NOX4: variants seen among roughly 807,000 people sequenced by gnomAD.
NOX4 encodes the protein NADPH oxidase 4.
NOX4 carries 69 observed loss-of-function variants against 87.6 expected under a neutral mutation model. That is an observed-to-expected ratio of 0.79 (90% CI 0.65 to 0.96). The LOEUF (loss-of-function observed/expected upper bound fraction) is 0.96. NOX4 is among the 40% of genes least tolerant of loss of function. NOX4 has a pLI of 0.00. For synonymous variants in NOX4, 275 were observed against 238.2 expected, an observed-to-expected ratio of 1.15 and a Z score of -1.42; for missense variants, 680 against 681.5, an observed-to-expected ratio of 1.00 and a Z score of 0.02.
chr11:89,430,406 G>T (rs1007077195), intron 7 of NOX4, among the ~76,000 whole-genome samples: 1 of 152,146 alleles, frequency 6.6e-6, no homozygotes, highest in African/African-American at 2.4e-5. Context: ...AAAAAAGGAA[G>T]TCAAATCGTC....
intron 13 of NOX4, among the ~76,000 whole-genome samples, chr11:89,354,433 G>A (rs1209022191): frequency 6.6e-6 from 1 of 152,110 alleles, no homozygotes; most frequent in Non-Finnish European, 1.5e-5. Context: ...AGAAGGAAAG[G>A]TCTGCTTCAC....
chr11:89,482,247 G>T (rs1238202354), intron 2 of NOX4, among the ~76,000 whole-genome samples: 1 of 151,862 alleles, frequency 6.6e-6, no homozygotes, highest in East Asian at 1.9e-4. Flanking sequence ...TGCTCAGCTG[G>T]GCTTCTACAA....
the NOX4 span, among the ~76,000 whole-genome samples, chr11:89,539,194 G>A: frequency 6.6e-6 from 1 of 152,138 alleles, no homozygotes; most frequent in African/African-American, 2.4e-5. Flanking sequence ...AGCACTTTGG[G>A]AGGCCAAGAC....
the NOX4 span, among the ~76,000 whole-genome samples, chr11:89,580,726 T>C: frequency 6.6e-6 from 1 of 152,160 alleles, no homozygotes; most frequent in African/African-American, 2.4e-5. Context: ...CTGGGTTAGG[T>C]ATTGTAAGGC....
At chr11:89,378,589 G>GT (rs1273638736) in intron 11 of NOX4, among the ~76,000 whole-genome samples, 13 of 151,858 alleles carry the variant, frequency 8.6e-5, no homozygotes, top group Non-Finnish European at 1.3e-4. Flanking sequence ...CACATAGAAG[G>GT]TATCAGTTGA....
At chr11:89,360,219 CAG>C (rs1359230584) in intron 12 of NOX4, among the ~76,000 whole-genome samples, 1 of 151,978 alleles carries the variant, frequency 6.6e-6, no homozygotes, top group African/African-American at 2.4e-5. Flanking sequence ...GAAATATTAT[CAG>C]AGAGTATACA....
At chr11:89,329,939 AAAG>A (rs1356259404) in intron 17 of NOX4, among the ~76,000 whole-genome samples, 1 of 152,078 alleles carries the variant, frequency 6.6e-6, no homozygotes, top group Non-Finnish European at 1.5e-5. Context: ...CAACCAAAGG[AAAG>A]AAGGACACCA....
intron 12 of NOX4, among the ~76,000 whole-genome samples, chr11:89,363,663 T>C (rs1251722914): frequency 6.6e-6 from 1 of 152,068 alleles, no homozygotes; most frequent in Admixed American, 6.6e-5. Context: ...CATATTAATC[T>C]TAGAAAAACA....
intron 14 of NOX4, among the ~76,000 whole-genome samples, chr11:89,341,291 T>A (rs1434500361): frequency 6.6e-6 from 1 of 151,850 alleles, no homozygotes. Flanking sequence ...CCTGGTTGAT[T>A]TTTATATTGT....
chr11:89,552,122 A>G, the NOX4 span, among the ~76,000 whole-genome samples: 1 of 152,158 alleles, frequency 6.6e-6, no homozygotes. Flanking sequence ...ATTAAACTGT[A>G]AAGTTAATTT....
chr11:89,500,367 T>G (rs1947004125), upstream of NOX4, among the ~76,000 whole-genome samples: 1 of 152,132 alleles, frequency 6.6e-6, no homozygotes, highest in Non-Finnish European at 1.5e-5. Context: ...TCAATTATTA[T>G]ATGGTGATGC....
At chr11:89,464,164 G>A (rs1396563394) in intron 2 of NOX4, among the ~76,000 whole-genome samples, 2 of 151,982 alleles carry the variant, frequency 1.3e-5, no homozygotes, top group Non-Finnish European at 2.9e-5. Context: ...GTCTGGAAGT[G>A]TTTTATTATT....
the NOX4 span, among the ~76,000 whole-genome samples, chr11:89,559,889 C>T: frequency 3.9e-5 from 6 of 152,188 alleles, no homozygotes; most frequent in East Asian, 1.9e-4. Flanking sequence ...AAGCTTGATA[C>T]GTTAAACCCA....
chr11:89,426,034 T>C (rs1375528813), intron 7 of NOX4, among the ~76,000 whole-genome samples: 4 of 152,222 alleles, frequency 2.6e-5, no homozygotes, highest in Admixed American at 2.6e-4. Context: ...AATGTGTCCA[T>C]TAGAAAGGAC....
At chr11:89,508,805 C>T in the NOX4 span, among the ~76,000 whole-genome samples, 7 of 152,164 alleles carry the variant, frequency 4.6e-5, no homozygotes, top group African/African-American at 1.7e-4. Flanking sequence ...GACTGAAAAA[C>T]TGAGGATCTG....
chr11:89,554,497 A>G, the NOX4 span, among the ~76,000 whole-genome samples: 4 of 152,050 alleles, frequency 2.6e-5, no homozygotes, highest in South Asian at 2.1e-4. Context: ...TTTTATTTTC[A>G]CATAATTCAT....
intron 7 of NOX4, among the ~76,000 whole-genome samples, chr11:89,431,766 A>G (rs1943796691): frequency 6.6e-6 from 1 of 152,254 alleles, no homozygotes; most frequent in Non-Finnish European, 1.5e-5. Flanking sequence ...CTGTAAACTA[A>G]TTCAATCATT....
At chr11:89,416,698 T>C (rs1322097646) in intron 8 of NOX4, among the ~76,000 whole-genome samples, 2 of 152,174 alleles carry the variant, frequency 1.3e-5, no homozygotes, top group African/African-American at 4.8e-5. Flanking sequence ...TTAATGTCAC[T>C]GTTGACAAAG....
At chr11:89,386,514 G>A (rs545827637) in intron 11 of NOX4, among the ~76,000 whole-genome samples, 5 of 151,910 alleles carry the variant, frequency 3.3e-5, no homozygotes, top group Non-Finnish European at 5.9e-5. Flanking sequence ...TGTTATTCTT[G>A]TTCCCATTCT....
Sources: allele counts gnomAD v4.1 joint callset (sites outside exome capture counted in the v4.1 genomes callset), GRCh38; gene constraint gnomAD v4.1.1; transcripts MANE v1.5; gene names NCBI Gene and HGNC (gene_info 2026-07-23, HGNC 2026-07-21).